The following SUPT7L variants were observed in gnomAD, a reference collection of about 807,000 sequenced individuals.
The protein encoded by SUPT7L is STAGA complex 65 subunit gamma.
SUPT7L carries 15 observed loss-of-function variants against 35.7 expected under a neutral mutation model. That is an observed-to-expected ratio of 0.42 (90% confidence interval 0.28 to 0.65). The LOEUF (loss-of-function observed/expected upper bound fraction) is 0.65, where lower values mean the gene tolerates loss of function less well. Ranked by LOEUF, SUPT7L falls within the 30% of genes least tolerant of loss-of-function variation. SUPT7L has a pLI of 0.23. For synonymous variants in SUPT7L, 168 were observed against 186.2 expected, an observed-to-expected ratio of 0.90 and a Z score of 0.79; for missense variants, 434 against 522.2, an observed-to-expected ratio of 0.83 and a Z score of 1.65.
intron 2 of SUPT7L, chr2:27,661,910 G>A (rs1381568175): frequency 5.7e-6 from 3 of 527,666 alleles, no homozygotes; most frequent in Admixed American, 6.4e-5. Context: ...GTGTGTCTTA[G>A]GCATGATCCT....
At chr2:27,660,561 AAC>A (rs1352031839) in intron 3 of SUPT7L, among the ~76,000 whole-genome samples, 1 of 152,198 alleles carries the variant, frequency 6.6e-6, no homozygotes, top group Non-Finnish European at 1.5e-5. Context: ...TCAAAATGAA[AAC>A]ACACAATTTA....
chr2:27,662,984 C>G (rs1269866034), intron 1 of SUPT7L, among the ~76,000 whole-genome samples: 1 of 120,894 alleles, frequency 8.3e-6, no homozygotes, highest in East Asian at 2.4e-4. Context: ...GACAGGGTCT[C>G]GCCATGTTGC....
In SUPT7L at chr2:27,663,507, C is replaced by G; in HGVS notation, c.-268G>C. The G allele has an allele frequency of 2.0e-6, 1 of 489,130 alleles. No homozygotes were observed. The highest frequency in any genetic ancestry group is 3.8e-5 in the East Asian group (1 of 26,188). 30.3% of individuals were successfully genotyped at this position (489,130 alleles called of 1,614,324 possible). A position where few individuals can be genotyped will look rare whatever the true frequency, so the allele number is the denominator to read the frequency against. ...TGAACCGAGACAAGGAGGTACCACA[C>G]TATTCACTGCTGCGTCGCAGAGCGG... On this transcript the variant is annotated 5_prime_UTR_variant, in exon 1 of 6. Transcript: ENST00000337768.
intron 3 of SUPT7L, among the ~76,000 whole-genome samples, chr2:27,658,309 C>A (rs1050555572): frequency 1.3e-5 from 2 of 152,006 alleles, no homozygotes; most frequent in African/African-American, 4.8e-5. Flanking sequence ...GGAGAGGAAA[C>A]AGGTTTAGAA....
At chr2:27,645,303 G>A in the SUPT7L span, among the ~76,000 whole-genome samples, 1 of 152,048 alleles carries the variant, frequency 6.6e-6, no homozygotes, top group Non-Finnish European at 1.5e-5. Context: ...GCTTTGGTGA[G>A]CAAGGACTCC....
At position 27,653,462 on chromosome 2, in the gene SUPT7L, C is replaced by A. The variant is rs1378216865; in HGVS notation, c.*23G>T. On this transcript the variant is annotated 3_prime_UTR_variant, in exon 6 of 6. Transcript: ENST00000337768. ...TTCTGTTGGGTCTAGTAGGTCTGGA[C>A]AAAACATCTCCCTCTTTTCCTTTTA... The A allele has an allele frequency of 1.2e-6, 2 of 1,607,988 alleles. No homozygotes were observed. The highest frequency in any genetic ancestry group is 1.7e-6 in the Non-Finnish European group (2 of 1,177,630).
the SUPT7L span, among the ~76,000 whole-genome samples, chr2:27,644,878 T>C: frequency 2.6e-5 from 4 of 151,936 alleles, no homozygotes; most frequent in Non-Finnish European, 5.9e-5. Flanking sequence ...ACGTGTATAA[T>C]GTTCCAGACC....
At chr2:27,662,977 A>G (rs1259739323) in intron 1 of SUPT7L, among the ~76,000 whole-genome samples, 2 of 108,764 alleles carry the variant, frequency 1.8e-5, no homozygotes, top group African/African-American at 7.4e-5. Context: ...TTGGCGAGAC[A>G]GGGTCTCGCC....
chr2:27,662,429 C>CCTG, intron 1 of SUPT7L, 148 bp from the exon 2 acceptor site: 1 of 504,132 alleles, frequency 2.0e-6, no homozygotes, highest in South Asian at 2.6e-5. Context: ...CAACATTATA[C>CCTG]TACTCAGTTT....
chr2:27,647,142 C>T (rs1674273996), downstream of SUPT7L, among the ~76,000 whole-genome samples: 1 of 152,152 alleles, frequency 6.6e-6, no homozygotes, highest in Non-Finnish European at 1.5e-5. Flanking sequence ...AGATTTGTGC[C>T]AGTTGATGTT....
In SUPT7L at chr2:27,653,648, C is replaced by G. The variant is rs769815979; in HGVS notation, c.1082G>C (p.Gly361Ala). ...CATAGGCTCCTCGAAGACATCACTG[C>G]CCAGCACACCATGCCCAGAGACATT... ...EGNVSGHGVL[G>A]SDVFEEPMSG... Residue 361 changes from glycine (G) to alanine (A), a missense_variant, in exon 6 of 6, where the codon GGC becomes GCC. Physicochemically the swap from Gly to Ala is moderately conservative, Grantham distance 60. This residue lies in a region of SUPT7L where 159 missense variants were observed against 217.1 expected (regional missense o/e 0.73). Transcript: ENST00000337768. The G allele has an allele frequency of 1.2e-6, 2 of 1,614,170 alleles. No homozygotes were observed. Among genetic ancestry groups the G allele is most frequent in the Non-Finnish European group, 1.7e-6 (2 of 1,180,038 alleles).
the SUPT7L span, among the ~76,000 whole-genome samples, chr2:27,643,958 C>T: frequency 6.6e-6 from 1 of 152,162 alleles, no homozygotes; most frequent in Non-Finnish European, 1.5e-5. The surrounding 1 kb of genome is among the most constrained non-coding windows in gnomAD (Gnocchi z 4.0). Context: ...GCGGGTGGAT[C>T]ACTTGAGGTC....
rs200570862 is a variant in SUPT7L at position 27,653,450 on chromosome 2, A to T, written c.*35T>A. ...TACAAAAACCTTTTCTGTTGGGTCTAGTAGGTCTGGACAAAACATCTCCCT... is the reference window on the plus strand; with the variant it reads ...TACAAAAACCTTTTCTGTTGGGTCTTGTAGGTCTGGACAAAACATCTCCCT... On this transcript the variant is annotated 3_prime_UTR_variant, in exon 6 of 6. Coordinates refer to ENST00000337768, the MANE Select transcript of SUPT7L (RefSeq NM_014860.3). 1 of 1,600,524 alleles carries T rather than the reference A, an allele frequency of 6.2e-7. No homozygotes were observed. Among genetic ancestry groups the T allele is most frequent in the Non-Finnish European group, 8.5e-7 (1 of 1,173,436 alleles).
intron 2 of SUPT7L, 166 bp downstream of exon 2, chr2:27,662,013 G>A: frequency 1.2e-6 from 1 of 853,960 alleles, no homozygotes. Context: ...CCTTCTAACT[G>A]GTATCCCTTC....
chr2:27,644,069 A>G, the SUPT7L span, among the ~76,000 whole-genome samples: 1 of 152,018 alleles, frequency 6.6e-6, no homozygotes, highest in Non-Finnish European at 1.5e-5. Flanking sequence ...AATTCCAGCT[A>G]CTCGCTGAGG....
At chr2:27,650,154 T>G, downstream of SUPT7L, 2 of 1,608,478 alleles carry the variant, frequency 1.2e-6, no homozygotes, top group East Asian at 2.2e-5. Flanking sequence ...TTCCAGAATT[T>G]TATGCAAGAA....
At chr2:27,649,092 A>C (rs1674383957), downstream of SUPT7L, among the ~76,000 whole-genome samples, 1 of 151,888 alleles carries the variant, frequency 6.6e-6, no homozygotes, top group Non-Finnish European at 1.5e-5. Context: ...ACAAGTACAA[A>C]AAATTAGCTG....
Position 27,657,662 on chromosome 2 carries a change from C to G in SUPT7L, c.427G>C (p.Gly143Arg). The change falls in exon 4 of 6, where the codon GGG becomes CGG. Residue 143 changes from glycine (G) to arginine (R), a missense_variant. By Grantham distance (125) the Gly-to-Arg change is moderately radical. Transcript: ENST00000337768. This position sits in a 1 kb window ranked among gnomAD's most constrained non-coding sequence, Gnocchi z 5.2. ...CAGCTGAGTTCAGTCACAGGTTCCCCTTTCCCACTGAAAGTGGAGATACGG... is the reference window on the plus strand; with the variant it reads ...CAGCTGAGTTCAGTCACAGGTTCCCGTTTCCCACTGAAAGTGGAGATACGG... ...DPESDFYRGK[G>R]EPVTELSWHS... 6.2e-7 allele frequency: 1 copy of G among 1,610,688 alleles called. No homozygotes were observed. The highest frequency in any genetic ancestry group is 8.5e-7 in the Non-Finnish European group (1 of 1,177,712).
Position 27,657,726 on chromosome 2 carries a change from T to C in SUPT7L, c.420-57A>G. On this transcript the variant is annotated intron_variant, in intron 3 of 5. Coordinates refer to ENST00000337768, the MANE Select transcript of SUPT7L (RefSeq NM_014860.3). The surrounding 1 kb of genome is among the most constrained non-coding windows in gnomAD (Gnocchi z 5.2). ...GTTCTTGCAAAGGGGTGACCCCTCCTGTCTTCCCCAGGAGTTTTACAATTC... is the reference window on the plus strand; with the variant it reads ...GTTCTTGCAAAGGGGTGACCCCTCCCGTCTTCCCCAGGAGTTTTACAATTC... 1 of 1,490,794 alleles carries C rather than the reference T, an allele frequency of 6.7e-7. No individual in the cohort carries two copies. 92.3% of individuals were successfully genotyped at this position (1,490,794 alleles called of 1,614,324 possible).
Sources: allele counts gnomAD v4.1 joint callset (sites outside exome capture counted in the v4.1 genomes callset), GRCh38; gene constraint gnomAD v4.1.1; regional missense constraint gnomAD v4.1.1; non-coding constraint Gnocchi (gnomAD v3.1); transcripts MANE v1.5; gene names NCBI Gene and HGNC (gene_info 2026-07-23, HGNC 2026-07-21).